Variants in RALGAPA1 observed in about 807,000 individuals in gnomAD.
The protein encoded by RALGAPA1 is ral GTPase-activating protein subunit alpha-1.
In RALGAPA1, 52 loss-of-function variants were observed where a neutral mutation model predicts 269.6. That is an observed-to-expected ratio of 0.19 (90% CI 0.15 to 0.24). The LOEUF (loss-of-function observed/expected upper bound fraction) is 0.24. Ranked by LOEUF, RALGAPA1 falls within the 10% of genes least tolerant of loss-of-function variation. The pLI, the probability that RALGAPA1 is intolerant of heterozygous loss-of-function variation, is 1.00. For synonymous variants in RALGAPA1, 817 were observed against 1,008.3 expected (o/e 0.81, Z 3.60); for missense variants, 1,917 against 3,013.9 (o/e 0.64, Z 8.52).
In RALGAPA1 at chr14:35,721,830, C is replaced by T; in HGVS notation, c.2124G>A (p.Gln708=). ...AAAATGACTTGTCAACTGAAACTTT[C>T]TGAAATTCATGTCCAACTCCTGGAA... ...HKGKGVGHEF[Q]KVSVDKSFSR... Residue 708 remains glutamine (Q), a synonymous_variant, in exon 16 of 42, where the codon CAG becomes CAA. Coordinates refer to ENST00000680220, the MANE Select transcript of RALGAPA1 (RefSeq NM_001346249.2). The T allele has an allele frequency of 6.2e-7, 1 of 1,613,358 alleles. No homozygotes were observed. Among genetic ancestry groups the T allele is most frequent in the Non-Finnish European group, 8.5e-7 (1 of 1,179,396 alleles).
At chr14:35,753,676 A>G (rs1051395417) in intron 7 of RALGAPA1, among the ~76,000 whole-genome samples, 14 of 152,252 alleles carry the variant, frequency 9.2e-5, no homozygotes, top group African/African-American at 2.9e-4. Context: ...TGTTTGCCAT[A>G]GGGGTGGGGA....
intron 37 of RALGAPA1, among the ~76,000 whole-genome samples, chr14:35,576,080 G>T (rs918674684): frequency 6.6e-6 from 1 of 152,082 alleles, no homozygotes; most frequent in African/African-American, 2.4e-5. Context: ...GGTTAAAAGT[G>T]TTCTTCTTAG....
intron 35 of RALGAPA1, among the ~76,000 whole-genome samples, chr14:35,620,145 C>G (rs2060519055): frequency 6.6e-6 from 1 of 152,124 alleles, no homozygotes; most frequent in Non-Finnish European, 1.5e-5. Context: ...AGCAGCACGT[C>G]AAAAAGCTTA....
At chr14:35,750,083 A>AG (rs2072535455) in intron 9 of RALGAPA1, among the ~76,000 whole-genome samples, 2 of 152,072 alleles carry the variant, frequency 1.3e-5, no homozygotes, top group Non-Finnish European at 2.9e-5. Flanking sequence ...TTGTTGAAAA[A>AG]GGGGGGAAGG....
At chr14:35,781,358 G>A (rs2075413280) in intron 1 of RALGAPA1, among the ~76,000 whole-genome samples, 1 of 152,078 alleles carries the variant, frequency 6.6e-6, no homozygotes. Flanking sequence ...GATTGAATTA[G>A]TGGGGGAAAA....
intron 31 of RALGAPA1, among the ~76,000 whole-genome samples, chr14:35,648,521 A>C (rs985822685): frequency 2.0e-5 from 3 of 151,226 alleles, no homozygotes; most frequent in Non-Finnish European, 4.4e-5. Flanking sequence ...AGTGACTCAC[A>C]TCTGTAATCC....
At chr14:35,754,752 G>A (rs1203158864) in intron 7 of RALGAPA1, among the ~76,000 whole-genome samples, 3 of 152,134 alleles carry the variant, frequency 2.0e-5, no homozygotes, top group African/African-American at 7.2e-5. Flanking sequence ...AATATTCACA[G>A]CAGTTTTACT....
In RALGAPA1 at chr14:35,631,807, A is replaced by C. The variant is rs1406017758; in HGVS notation, c.5995+2767T>G. ...CTGGATATAACAGAAACAATAAAAA[A>C]TCATTCAATTTAAAGAGCATTATAA... On this transcript the variant is annotated intron_variant, in intron 33 of 41. Coordinates refer to ENST00000680220, the MANE Select transcript of RALGAPA1 (RefSeq NM_001346249.2). 2.0e-5 allele frequency among the ~76,000 whole-genome samples: 3 copies of C among 152,314 alleles called. No individual in the cohort carries two copies. In the East Asian group the frequency reaches 5.8e-4, roughly 29 times the overall value.
chr14:35,614,443 G>A (rs1278366071), intron 35 of RALGAPA1, among the ~76,000 whole-genome samples: 3 of 151,826 alleles, frequency 2.0e-5, no homozygotes, highest in Non-Finnish European at 4.4e-5. Context: ...ATCATGCTAA[G>A]TAAAAAAAAA....
chr14:35,643,296 C>T (rs571145594), intron 31 of RALGAPA1, among the ~76,000 whole-genome samples: 1 of 152,072 alleles, frequency 6.6e-6, no homozygotes, highest in South Asian at 2.1e-4. Flanking sequence ...CAAACCTGCA[C>T]ATTGTGCACA....
chr14:35,620,899 A>G (rs1212984687), intron 35 of RALGAPA1, among the ~76,000 whole-genome samples: 2 of 152,182 alleles, frequency 1.3e-5, no homozygotes, highest in Non-Finnish European at 2.9e-5. Flanking sequence ...ATGCTCATGG[A>G]GAGGAAGAAT....
At chr14:35,693,858 T>C (rs2066692184) in intron 17 of RALGAPA1, among the ~76,000 whole-genome samples, 1 of 151,908 alleles carries the variant, frequency 6.6e-6, no homozygotes, top group Non-Finnish European at 1.5e-5. Context: ...AAAAAACCGG[T>C]TTTTTCCCGG....
intron 31 of RALGAPA1, among the ~76,000 whole-genome samples, chr14:35,641,715 C>T (rs1195721863): frequency 1.3e-5 from 2 of 152,092 alleles, no homozygotes; most frequent in Admixed American, 1.3e-4. Flanking sequence ...ATCAAAATGC[C>T]AATGACATTC....
intron 33 of RALGAPA1, among the ~76,000 whole-genome samples, chr14:35,633,215 C>T (rs985810157): frequency 1.3e-5 from 2 of 152,044 alleles, no homozygotes; most frequent in Non-Finnish European, 2.9e-5. Flanking sequence ...ATAAAAACTG[C>T]CATTTTATAC....
Position 35,770,996 on chromosome 14 carries a change from T to C in RALGAPA1, c.271A>G (p.Ile91Val). The C allele has an allele frequency of 7.4e-7, 1 of 1,359,384 alleles. No individual in the cohort carries two copies. Among genetic ancestry groups the C allele is most frequent in the Non-Finnish European group, 1.0e-6 (1 of 978,116 alleles). The allele number at this position is 1,359,384 out of a possible 1,614,324, so 84.2% of individuals were successfully genotyped here. ...ATTCTTTCTGGAAGAAGTTGTAAAATTTTCTAAAAATCAATATAAAGAGAA... is the reference window on the plus strand; with the variant it reads ...ATTCTTTCTGGAAGAAGTTGTAAAACTTTCTAAAAATCAATATAAAGAGAA... ...LDAILFIFEK[I>V]LQLLPERIHQ... The change falls in exon 4 of 42, where the codon ATT becomes GTT. Residue 91 changes from isoleucine to valine, a missense_variant. By Grantham distance (29) the Ile-to-Val change is conservative. Transcript: ENST00000680220.
At position 35,632,525 on chromosome 14, in the gene RALGAPA1, A is replaced by G. The variant is rs369695392; in HGVS notation, c.5995+2049T>C. Among the ~76,000 whole-genome samples the G allele has an allele frequency of 1.6e-4, 25 of 152,310 alleles. No individual in the cohort carries two copies. In the East Asian group the frequency reaches 3.1e-3, roughly 19 times the overall value. On this transcript the variant is annotated intron_variant, in intron 33 of 41. Coordinates refer to ENST00000680220, the MANE Select transcript of RALGAPA1 (RefSeq NM_001346249.2). Reference sequence around the variant, plus strand: ...TGTAATAGAACATGCAGAGGAAGTTAATTTTGGCAAATGCTTTAAATATTA... The same window carrying G: ...TGTAATAGAACATGCAGAGGAAGTTGATTTTGGCAAATGCTTTAAATATTA...
chr14:35,775,124 C>A, intron 2 of RALGAPA1, 69 bp from the exon 3 acceptor site: 1 of 898,654 alleles, frequency 1.1e-6, no homozygotes. Flanking sequence ...TAAAATATTT[C>A]AAGAATGAAG....
intron 37 of RALGAPA1, among the ~76,000 whole-genome samples, chr14:35,593,719 G>A (rs1441145609): frequency 2.6e-5 from 4 of 151,984 alleles, no homozygotes; most frequent in South Asian, 2.1e-4. Context: ...ATTAGTCAGC[G>A]TGGTGGCGAG....
chr14:35,666,465 T>C (rs1185993542), intron 26 of RALGAPA1, among the ~76,000 whole-genome samples: 5 of 152,196 alleles, frequency 3.3e-5, no homozygotes, highest in African/African-American at 1.2e-4. Flanking sequence ...CCTCAAGTGA[T>C]CTGCCTGTGT....
Sources: gnomAD v4.1 joint callset for allele counts (sites outside exome capture counted in the v4.1 genomes callset) on GRCh38, gnomAD v4.1.1 for gene constraint, MANE v1.5 for transcripts, NCBI Gene and HGNC (gene_info 2026-07-23, HGNC 2026-07-21) for gene names.